AUH: variants seen among roughly 807,000 people sequenced by gnomAD.
AUH encodes AU RNA binding methylglutaconyl-CoA hydratase, also known as methylglutaconyl-CoA hydratase, mitochondrial.
Under a neutral mutation model 42.3 loss-of-function variants are expected in AUH, and 29 were observed. The observed-to-expected ratio is 0.69, with a 90% CI of 0.51 to 0.93. The LOEUF is 0.93. Ranked by LOEUF, AUH falls within the 40% of genes least tolerant of loss-of-function variation. The pLI is 0.00. For missense variants in AUH, 452 were observed against 438.1 expected (o/e 1.03, Z -0.28); for synonymous variants, 174 against 166.4 (o/e 1.05, Z -0.35).
chr9:91,303,255 C>T (rs1423808402), intron 4 of AUH, among the ~76,000 whole-genome samples: 1 of 152,040 alleles, frequency 6.6e-6, no homozygotes, highest in African/African-American at 2.4e-5. Context: ...AAATACAACA[C>T]ATAATGTAGG....
chr9:91,248,302 C>T lies in AUH; in HGVS notation c.656-27310G>A, dbSNP rs17502513. Among the ~76,000 whole-genome samples the T allele has an allele frequency of 6.3e-3, 963 of 152,262 alleles. 9 individuals carry two copies. The highest frequency in any genetic ancestry group is 0.01 in the Non-Finnish European group (697 of 68,010). Reference sequence around the variant, plus strand: ...TGCCTTTGCATGAGGCTTTATTTTTCAATGTTCAACTCTGTATTATGTGTT... The same window carrying T: ...TGCCTTTGCATGAGGCTTTATTTTTTAATGTTCAACTCTGTATTATGTGTT... On this transcript the variant is annotated intron_variant, in intron 6 of 9. Transcript: ENST00000375731.
intron 6 of AUH, among the ~76,000 whole-genome samples, chr9:91,287,856 C>T (rs1826539457): frequency 6.6e-6 from 1 of 151,860 alleles, no homozygotes; most frequent in Non-Finnish European, 1.5e-5. Flanking sequence ...ATGTAAGAGA[C>T]CATTCTTGAT....
intron 6 of AUH, among the ~76,000 whole-genome samples, chr9:91,289,798 AT>A (rs1471871885): frequency 2.0e-5 from 3 of 152,204 alleles, no homozygotes; most frequent in African/African-American, 7.2e-5. Context: ...GCAGAAGAAG[AT>A]TTTTCTACAT....
intron 6 of AUH, among the ~76,000 whole-genome samples, chr9:91,254,920 TAA>T (rs1176715312): frequency 2.6e-5 from 4 of 152,066 alleles, no homozygotes; most frequent in African/African-American, 7.2e-5. Context: ...GACATAAAAC[TAA>T]GAGACAATGG....
intron 3 of AUH, among the ~76,000 whole-genome samples, chr9:91,331,912 T>C (rs544771641): frequency 6.6e-6 from 1 of 152,274 alleles, no homozygotes; most frequent in East Asian, 1.9e-4. Flanking sequence ...TCCCTCAAAT[T>C]CCAAAAGGCT....
intron 4 of AUH, among the ~76,000 whole-genome samples, chr9:91,314,233 A>G (rs988172738): frequency 2.0e-5 from 3 of 152,154 alleles, no homozygotes; most frequent in African/African-American, 7.2e-5. Flanking sequence ...GGCCAGGAAC[A>G]GTGGCTCATG....
chr9:91,231,024 A>C (rs1345041445), intron 6 of AUH, among the ~76,000 whole-genome samples: 2 of 152,194 alleles, frequency 1.3e-5, no homozygotes, highest in Non-Finnish European at 2.9e-5. Context: ...CCCTGCCCCC[A>C]GAGGTGGAGC....
At chr9:91,348,303 G>A (rs985188223) in intron 3 of AUH, among the ~76,000 whole-genome samples, 9 of 152,166 alleles carry the variant, frequency 5.9e-5, no homozygotes, top group Non-Finnish European at 8.8e-5. Flanking sequence ...ACTCTCATCC[G>A]TTGCTAGTGG....
intron 6 of AUH, among the ~76,000 whole-genome samples, chr9:91,277,298 T>A (rs183532251): frequency 6.6e-6 from 1 of 152,204 alleles, no homozygotes; most frequent in Non-Finnish European, 1.5e-5. Flanking sequence ...AATATACCAC[T>A]ACCATGTACA....
intron 4 of AUH, among the ~76,000 whole-genome samples, chr9:91,304,843 A>G (rs1197146268): frequency 6.6e-6 from 1 of 152,226 alleles, no homozygotes; most frequent in Non-Finnish European, 1.5e-5. Flanking sequence ...TGGTGGAGAG[A>G]TATAATTTAA....
At chr9:91,271,027 T>C (rs375628552) in intron 6 of AUH, among the ~76,000 whole-genome samples, 1 of 152,214 alleles carries the variant, frequency 6.6e-6, no homozygotes, top group Non-Finnish European at 1.5e-5. Context: ...AGGGAAGATA[T>C]ATAAATTTTT....
At chr9:91,255,204 A>AT (rs1254889583) in intron 6 of AUH, among the ~76,000 whole-genome samples, 2 of 152,238 alleles carry the variant, frequency 1.3e-5, no homozygotes, top group Non-Finnish European at 2.9e-5. Context: ...TTGGCATGAT[A>AT]TTAACCCTCA....
intron 7 of AUH, among the ~76,000 whole-genome samples, chr9:91,219,949 C>T (rs1344264178): frequency 6.6e-6 from 1 of 152,156 alleles, no homozygotes; most frequent in Non-Finnish European, 1.5e-5. Context: ...AGTTAAGCAA[C>T]CCTGAGTTAG....
intron 6 of AUH, among the ~76,000 whole-genome samples, chr9:91,287,811 T>TTAATATTC (rs2131601041): frequency 6.6e-6 from 1 of 152,106 alleles, no homozygotes; most frequent in African/African-American, 2.4e-5. Context: ...ACTAAATTCC[T>TTAATATTC]GTTAATATTC....
intron 4 of AUH, 33 bp downstream of exon 4, chr9:91,325,285 G>A (rs369108680): frequency 7.1e-6 from 11 of 1,559,330 alleles, no homozygotes; most frequent in Middle Eastern, 3.4e-4. Flanking sequence ...GAACCCCTTC[G>A]GCATGCTGAA....
chr9:91,214,503 C>G, intron 9 of AUH, 78 bp from the exon 10 acceptor site: 1 of 1,180,018 alleles, frequency 8.5e-7, no homozygotes, highest in Non-Finnish European at 1.2e-6. Context: ...TCTAAGAAAA[C>G]TACTTAGAAC....
chr9:91,214,543 T>G, intron 9 of AUH, 118 bp from the exon 10 acceptor site: 5 of 788,342 alleles, frequency 6.3e-6, no homozygotes, highest in Non-Finnish European at 1.0e-5. Flanking sequence ...ATCAGTCACC[T>G]GAACAATTCT....
At chr9:91,215,956 G>C in intron 9 of AUH, 103 bp downstream of exon 9, 2 of 1,229,728 alleles carry the variant, frequency 1.6e-6, no homozygotes, top group East Asian at 2.3e-5. Flanking sequence ...TTTTGGAATG[G>C]GCGCAAGGGT....
At chr9:91,361,538 G>GC in intron 1 of AUH, 90 bp downstream of exon 1, 1 of 1,506,850 alleles carries the variant, frequency 6.6e-7, no homozygotes, top group African/African-American at 1.4e-5. Flanking sequence ...CCTCGACCCC[G>GC]CGTCCTGCCG....
Sources: gnomAD v4.1 joint callset for allele counts (sites outside exome capture counted in the v4.1 genomes callset) on GRCh38, gnomAD v4.1.1 for gene constraint, MANE v1.5 for transcripts, NCBI Gene and HGNC (gene_info 2026-07-23, HGNC 2026-07-21) for gene names.